Variants in AKIRIN1 observed in about 807,000 individuals in gnomAD.
The protein encoded by AKIRIN1 is akirin-1.
Under a neutral mutation model 25.9 loss-of-function variants are expected in AKIRIN1, and 4 were observed. The observed-to-expected ratio is 0.15, with a 90% CI of 0.08 to 0.35. The LOEUF (loss-of-function observed/expected upper bound fraction) is 0.35. AKIRIN1 is among the 10% of genes least tolerant of loss of function. The probability of loss-of-function intolerance (pLI) is 1.00; values close to 1 mark genes in which losing one functional copy is unlikely to be tolerated. For synonymous variants in AKIRIN1, 125 were observed against 105.1 expected (o/e 1.19, Z -1.16); for missense variants, 243 against 266.1 (o/e 0.91, Z 0.61).
intron 2 of AKIRIN1, among the ~76,000 whole-genome samples, chr1:38,999,742 T>A (rs538868226): frequency 6.6e-6 from 1 of 152,370 alleles, no homozygotes; most frequent in East Asian, 1.9e-4. Flanking sequence ...AGCAAAAAAT[T>A]GTTTCAGTGT....
chr1:39,004,310 G>A lies in AKIRIN1; in HGVS notation c.*255G>A, dbSNP rs561299381. ...GATTTTCCAAACAAAAATACCTGGA[G>A]CAGCAGTTTAGCAAAATATGCCTTC... On this transcript the variant is annotated 3_prime_UTR_variant, in exon 5 of 5. Coordinates refer to ENST00000432648, the MANE Select transcript of AKIRIN1 (RefSeq NM_024595.3). 1.0e-4 allele frequency: 65 copies of A among 648,344 alleles called. 2 individuals carry two copies. Among genetic ancestry groups the A allele is most frequent in the South Asian group, 1.0e-3 (63 of 62,960 alleles). 40.2% of individuals were successfully genotyped at this position (648,344 alleles called of 1,614,324 possible).
intron 2 of AKIRIN1, among the ~76,000 whole-genome samples, chr1:38,999,125 G>C (rs1039639374): frequency 3.3e-5 from 5 of 152,156 alleles, no homozygotes; most frequent in Admixed American, 1.3e-4. Context: ...CTGCCATATT[G>C]CCTCCTGTTG....
chr1:39,004,408 T>C lies in AKIRIN1; in HGVS notation c.*353T>C. 1 of 381,194 alleles carries C rather than the reference T, an allele frequency of 2.6e-6. No individual in the cohort carries two copies. Among genetic ancestry groups the C allele is most frequent in the South Asian group, 2.7e-5 (1 of 37,156 alleles). The allele number at this position is 381,194 out of a possible 1,614,324, so 23.6% of individuals were successfully genotyped here. On this transcript the variant is annotated 3_prime_UTR_variant, in exon 5 of 5. Transcript: ENST00000432648. ...GTGCGTGTGAGAGTGTGTGTATATGTGTGTATGTGTATTTTAAGTTATTAT... is the reference window on the plus strand; with the variant it reads ...GTGCGTGTGAGAGTGTGTGTATATGCGTGTATGTGTATTTTAAGTTATTAT...
At chr1:38,994,019 GAGATCCGGCCA>G (rs1211195488) in intron 1 of AKIRIN1, among the ~76,000 whole-genome samples, 1 of 151,014 alleles carries the variant, frequency 6.6e-6, no homozygotes, top group Non-Finnish European at 1.5e-5. Flanking sequence ...GCGGTAAGCC[GAGATCCGGCCA>G]TTGCACTCCA....
intron 1 of AKIRIN1, among the ~76,000 whole-genome samples, chr1:38,996,672 G>A (rs1482408535): frequency 6.6e-6 from 1 of 152,148 alleles, no homozygotes; most frequent in Non-Finnish European, 1.5e-5. Context: ...TGGGACTACA[G>A]GCACGTGCCA....
intron 2 of AKIRIN1, among the ~76,000 whole-genome samples, chr1:38,999,508 T>C (rs1643972533): frequency 6.6e-6 from 1 of 152,234 alleles, no homozygotes; most frequent in Non-Finnish European, 1.5e-5. Context: ...TATTTTTTAA[T>C]CCAGAGTTCC....
At position 39,006,011 on chromosome 1, in the gene AKIRIN1, G is replaced by A. The variant is rs1644031811; in HGVS notation, c.*1956G>A. 6.6e-6 allele frequency: 1 copy of A among 151,376 alleles called. No individual in the cohort carries two copies. Among genetic ancestry groups the A allele is most frequent in the Non-Finnish European group, 1.5e-5 (1 of 67,860 alleles). The allele number at this position is 151,376 out of a possible 1,614,324, so 9.4% of individuals were successfully genotyped here. A position where few individuals can be genotyped will look rare whatever the true frequency, so the allele number is the denominator to read the frequency against. The stretch of plus-strand genomic sequence containing the variant: ...AATTTATGGACCTTTAAAAAAAAAA[G>A]CCCAACAGTGATTTTTTTTTAATAA... On this transcript the variant is annotated 3_prime_UTR_variant, in exon 5 of 5. Coordinates refer to ENST00000432648, the MANE Select transcript of AKIRIN1 (RefSeq NM_024595.3).
Position 38,991,490 on chromosome 1 carries a change from G to GC in AKIRIN1, c.112dup (p.Leu38ProfsTer48). ...GCCCCTCTGCCCGGCCCCACTCCGG[G>GC]CCTCAGGCCCCCGGACGCCGAGCCG... is the stretch of plus-strand genomic sequence containing the variant. On this transcript the variant is annotated frameshift_variant, in exon 1 of 5. Coordinates refer to ENST00000432648, the MANE Select transcript of AKIRIN1 (RefSeq NM_024595.3). LOFTEE classifies it high-confidence loss of function. 6.9e-7 allele frequency: 1 copy of GC among 1,446,092 alleles called. No homozygotes were observed. The highest frequency in any genetic ancestry group is 9.1e-7 in the Non-Finnish European group (1 of 1,104,248). 89.6% of individuals were successfully genotyped at this position (1,446,092 alleles called of 1,614,324 possible).
At chr1:38,991,670 G>GGT in intron 1 of AKIRIN1, 70 bp downstream of exon 1, 2 of 886,744 alleles carry the variant, frequency 2.3e-6, no homozygotes, top group East Asian at 4.0e-5. Flanking sequence ...TGGTGGGGGA[G>GGT]GGTTGGGAAT....
intron 1 of AKIRIN1, among the ~76,000 whole-genome samples, chr1:38,996,470 CT>C (rs35363657): frequency 0.26 from 39,897 of 151,878 alleles, 5,346 homozygotes; most frequent in Non-Finnish European, 0.3. Context: ...TTCCAAAGTG[CT>C]GGATTACAGG....
intron 3 of AKIRIN1, among the ~76,000 whole-genome samples, chr1:39,001,614 C>A (rs1570976493): frequency 6.6e-6 from 1 of 152,118 alleles, no homozygotes; most frequent in Non-Finnish European, 1.5e-5. Context: ...GAGCCCAGCT[C>A]TAGGAGTCTC....
intron 1 of AKIRIN1, among the ~76,000 whole-genome samples, chr1:38,997,835 CT>C (rs1384775678): frequency 6.6e-6 from 1 of 152,172 alleles, no homozygotes; most frequent in Admixed American, 6.5e-5. Flanking sequence ...GTAAATTGTA[CT>C]AGTTAACCAT....
chr1:39,003,534 T>C (rs1022367149), intron 4 of AKIRIN1, 116 bp downstream of exon 4: 6 of 909,720 alleles, frequency 6.6e-6, no homozygotes, highest in Non-Finnish European at 1.0e-5. Flanking sequence ...CCCAGCACTA[T>C]GCTAAGAGTA....
At chr1:38,995,807 CG>C (rs1643943576) in intron 1 of AKIRIN1, among the ~76,000 whole-genome samples, 1 of 152,082 alleles carries the variant, frequency 6.6e-6, no homozygotes, top group African/African-American at 2.4e-5. Context: ...CCGAGGCGGG[CG>C]GATCAGCTGA....
chr1:38,998,826 A>G (rs1643967227), intron 2 of AKIRIN1, among the ~76,000 whole-genome samples: 1 of 151,888 alleles, frequency 6.6e-6, no homozygotes, highest in Admixed American at 6.6e-5. Flanking sequence ...GTGAGCTGAG[A>G]TGACACCATT....
Position 39,004,512 on chromosome 1 carries a change from C to T in AKIRIN1, c.*457C>T. The T allele has an allele frequency of 3.5e-6, 1 of 286,540 alleles. No individual in the cohort carries two copies. The allele number at this position is 286,540 out of a possible 1,614,324, so 17.7% of individuals were successfully genotyped here. A position where few individuals can be genotyped will look rare whatever the true frequency, so the allele number is the denominator to read the frequency against. ...GTGCACGACAATTATGGTAAAAAAA[C>T]ATTTGCTTGGTCTAAAGAAGATCAT... On this transcript the variant is annotated 3_prime_UTR_variant, in exon 5 of 5. Coordinates refer to ENST00000432648, the MANE Select transcript of AKIRIN1 (RefSeq NM_024595.3).
At chr1:39,000,345 C>CTTTTTTTT (rs3078308) in intron 2 of AKIRIN1, among the ~76,000 whole-genome samples, 1 of 128,314 alleles carries the variant, frequency 7.8e-6, no homozygotes, top group Non-Finnish European at 1.6e-5. Flanking sequence ...TTTTCTTTTT[C>CTTTTTTTT]TTTTTTTTTT....
intron 1 of AKIRIN1, among the ~76,000 whole-genome samples, chr1:38,996,621 C>T (rs1643950379): frequency 6.6e-6 from 1 of 152,120 alleles, no homozygotes; most frequent in African/African-American, 2.4e-5. Context: ...CCTCCACCTC[C>T]CCGGTTCAAG....
chr1:38,995,057 C>T (rs903613900), intron 1 of AKIRIN1, among the ~76,000 whole-genome samples: 3 of 152,006 alleles, frequency 2.0e-5, no homozygotes, highest in African/African-American at 7.3e-5. Context: ...TCTCAAACTC[C>T]TGACCTCAGG....
Sources: allele counts gnomAD v4.1 joint callset (sites outside exome capture counted in the v4.1 genomes callset), GRCh38; gene constraint gnomAD v4.1.1; transcripts MANE v1.5; gene names NCBI Gene and HGNC (gene_info 2026-07-23, HGNC 2026-07-21).